The following DNAJC1 variants were observed in gnomAD, a reference collection of about 807,000 sequenced individuals.
The protein encoded by DNAJC1 is DnaJ heat shock protein family (Hsp40) member C1, also known as dnaJ homolog subfamily C member 1.
In DNAJC1, 58 loss-of-function variants were observed where a neutral mutation model predicts 76.6. The observed-to-expected ratio is 0.76, with a 90% CI of 0.61 to 0.94. DNAJC1 has a LOEUF of 0.94. Among genes scored for constraint, DNAJC1 ranks in the 40% least tolerant of loss-of-function variants. The pLI is 0.00. For synonymous variants in DNAJC1, 258 were observed against 267.9 expected (o/e 0.96, Z 0.36); for missense variants, 689 against 677.3 (o/e 1.02, Z -0.19).
At chr10:21,841,438 C>T (rs933412713) in intron 8 of DNAJC1, among the ~76,000 whole-genome samples, 35 of 152,080 alleles carry the variant, frequency 2.3e-4, no homozygotes, top group Non-Finnish European at 4.4e-4. Context: ...AACAAGTGGG[C>T]GAAGGATATG....
intron 8 of DNAJC1, among the ~76,000 whole-genome samples, chr10:21,864,879 A>T (rs1835972623): frequency 6.6e-6 from 1 of 152,124 alleles, no homozygotes; most frequent in African/African-American, 2.4e-5. Flanking sequence ...ACAAACTCTT[A>T]AACTGAGCAA....
intron 1 of DNAJC1, among the ~76,000 whole-genome samples, chr10:21,978,675 G>A (rs900646940): frequency 5.9e-5 from 9 of 152,084 alleles, no homozygotes; most frequent in Non-Finnish European, 1.2e-4. Context: ...AGATGAAGAA[G>A]TAGAATGAGT....
chr10:21,950,221 T>C (rs868465477), intron 1 of DNAJC1, among the ~76,000 whole-genome samples: 6 of 152,200 alleles, frequency 3.9e-5, no homozygotes, highest in Admixed American at 2.0e-4. Flanking sequence ...CAACAGCATG[T>C]ATTCCCTTCC....
At chr10:21,843,634 C>G (rs547106473) in intron 8 of DNAJC1, among the ~76,000 whole-genome samples, 12 of 152,076 alleles carry the variant, frequency 7.9e-5, no homozygotes, top group South Asian at 4.2e-4. Flanking sequence ...ACCTCGTGAT[C>G]CACTGCCTCA....
chr10:21,867,524 C>T (rs931686861), intron 8 of DNAJC1, among the ~76,000 whole-genome samples: 8 of 151,958 alleles, frequency 5.3e-5, no homozygotes, highest in East Asian at 1.9e-4. Flanking sequence ...AAGGTGATCG[C>T]GGGAGAATAG....
intron 1 of DNAJC1, among the ~76,000 whole-genome samples, chr10:21,957,308 T>C (rs1837705558): frequency 6.6e-6 from 1 of 152,194 alleles, no homozygotes; most frequent in African/African-American, 2.4e-5. Flanking sequence ...TAAAGCCTCC[T>C]CTATTCACTT....
chr10:21,767,143 C>T (rs538517481), intron 9 of DNAJC1, among the ~76,000 whole-genome samples: 43 of 152,078 alleles, frequency 2.8e-4, no homozygotes, highest in African/African-American at 1.0e-3. Flanking sequence ...GATAAAAGTC[C>T]TTCCTTTCTG....
Position 21,989,736 on chromosome 10 carries a change from T to C in DNAJC1, c.222+13477A>G, listed in dbSNP as rs80278541. Among the ~76,000 whole-genome samples, 1,155 of 152,294 alleles carry C rather than the reference T, an allele frequency of 7.6e-3. 15 individuals carry two copies. Among genetic ancestry groups the C allele is most frequent in the African/African-American group, 0.026 (1,100 of 41,548 alleles). The stretch of plus-strand genomic sequence containing the variant: ...AGACCAGGCCAAGGGACCTGCAGGC[T>C]TGGTATCTGGATCTGCAATGGCCCC... On this transcript the variant is annotated intron_variant, in intron 1 of 11. Transcript: ENST00000376980.
At chr10:21,773,181 A>C (rs1486849470) in intron 9 of DNAJC1, among the ~76,000 whole-genome samples, 1 of 152,158 alleles carries the variant, frequency 6.6e-6, no homozygotes, top group Non-Finnish European at 1.5e-5. Context: ...TGTGTGCTTT[A>C]GGTATAGTTT....
chr10:21,763,288 C>T (rs976982874), intron 10 of DNAJC1, among the ~76,000 whole-genome samples: 1 of 152,332 alleles, frequency 6.6e-6, no homozygotes, highest in Admixed American at 6.5e-5. Context: ...AACACTTTCA[C>T]ATTCATTGTT....
rs1356261603 is a variant in DNAJC1 at position 21,897,178 on chromosome 10, A to G, written c.820+7344T>C. ...AATTACAGACCAGTATCTCTCATGAATATAGATGTAAAATTCTTTAACAAA... is the reference window on the plus strand; with the variant it reads ...AATTACAGACCAGTATCTCTCATGAGTATAGATGTAAAATTCTTTAACAAA... On this transcript the variant is annotated intron_variant, in intron 7 of 11. Transcript: ENST00000376980. Among the ~76,000 whole-genome samples the G allele has an allele frequency of 2.6e-5, 4 of 152,190 alleles. No individual in the cohort carries two copies. In the East Asian group the frequency reaches 7.7e-4, roughly 29 times the overall value.
rs143506322 is a variant in DNAJC1 at position 21,853,955 on chromosome 10, G to A, written c.978+28327C>T. Among the ~76,000 whole-genome samples, 200 of 151,954 alleles carry A rather than the reference G, an allele frequency of 1.3e-3. 1 individual carries two copies. The highest frequency in any genetic ancestry group is 4.1e-3 in the African/African-American group (171 of 41,420). The stretch of plus-strand genomic sequence containing the variant: ...GATACTCCCAGAAGTTTAAAATGAC[G>A]GAAATAAGATTGTCCTTTGAAAGAT... On this transcript the variant is annotated intron_variant, in intron 8 of 11. Transcript: ENST00000376980.
intron 8 of DNAJC1, among the ~76,000 whole-genome samples, chr10:21,849,420 G>C (rs2131686683): frequency 6.6e-6 from 1 of 150,796 alleles, no homozygotes; most frequent in South Asian, 2.1e-4. Flanking sequence ...CTAGCAAAAG[G>C]AAGGAAATAA....
intron 8 of DNAJC1, among the ~76,000 whole-genome samples, chr10:21,852,090 GATACAC>G (rs1835765959): frequency 1.9e-5 from 1 of 52,700 alleles, no homozygotes; most frequent in Non-Finnish European, 3.6e-5. Flanking sequence ...AAAATTGTGA[GATACAC>G]ACACACACAC....
intron 8 of DNAJC1, among the ~76,000 whole-genome samples, chr10:21,845,359 T>G (rs528710685): frequency 9.2e-4 from 135 of 146,950 alleles, no homozygotes; most frequent in Non-Finnish European, 1.5e-3. Context: ...ATTAGAACTT[T>G]TTTTTTTTTT....
At chr10:21,761,796 T>A (rs557473605) in intron 10 of DNAJC1, among the ~76,000 whole-genome samples, 101 of 152,316 alleles carry the variant, frequency 6.6e-4, no homozygotes, top group Non-Finnish European at 1.1e-3. Context: ...CTCACTAAAG[T>A]TCCAGGTCCT....
chr10:21,874,744 C>A (rs1313214544), intron 8 of DNAJC1, among the ~76,000 whole-genome samples: 1 of 152,194 alleles, frequency 6.6e-6, no homozygotes, highest in African/African-American at 2.4e-5. Flanking sequence ...AGACTAAAAA[C>A]CACTGAAGTG....
At chr10:21,962,263 T>G (rs990975420) in intron 1 of DNAJC1, among the ~76,000 whole-genome samples, 1 of 152,102 alleles carries the variant, frequency 6.6e-6, no homozygotes, top group Admixed American at 6.6e-5. Context: ...GCCAGGCACA[T>G]AGTAAGCAAC....
chr10:21,775,331 C>CTTTTTTTTTTTTTTTTTTT, intron 9 of DNAJC1, among the ~76,000 whole-genome samples: 1 of 49,668 alleles, frequency 2.0e-5, no homozygotes, highest in Non-Finnish European at 3.8e-5. Context: ...CTGCAAATGG[C>CTTTTTTTTTTTTTTTTTTT]TTTTTTTTTT....
Sources: allele counts gnomAD v4.1 joint callset (sites outside exome capture counted in the v4.1 genomes callset), GRCh38; gene constraint gnomAD v4.1.1; transcripts MANE v1.5; gene names NCBI Gene and HGNC (gene_info 2026-07-23, HGNC 2026-07-21).